Variants in TMEM100 observed in about 807,000 individuals in gnomAD.
TMEM100 encodes the protein transmembrane protein 100.
For synonymous variants in TMEM100, 61 were observed against 67.1 expected (o/e 0.91, Z 0.44); for missense variants, 137 against 168.2 (o/e 0.81, Z 1.02).
At position 55,721,066 on chromosome 17, in the gene TMEM100, G is replaced by A. The variant is rs879076398; in HGVS notation, c.5C>T (p.Thr2Ile). 3 of 1,607,942 alleles carry A rather than the reference G, an allele frequency of 1.9e-6. No homozygotes were observed. Among genetic ancestry groups the A allele is most frequent in the South Asian group, 2.2e-5 (2 of 89,982 alleles). M[T>I]EEPIKEILGA... ...CAGGATCTCCTTGATGGGCTCTTCA[G>A]TCATTTTTACAACAGTGCTTCTAAG... is the stretch of plus-strand genomic sequence containing the variant. Residue 2 changes from threonine to isoleucine, a missense_variant, in exon 2 of 2, where the codon ACT becomes ATT. Physicochemically the swap from Thr to Ile is moderately conservative, Grantham distance 89 (BLOSUM62 -1). Transcript: ENST00000424486.
chr17:55,721,148 CA>C lies in TMEM100; in HGVS notation c.-65-14del. 1 of 1,481,608 alleles carries C rather than the reference CA, an allele frequency of 6.7e-7. No individual in the cohort carries two copies. Among genetic ancestry groups the C allele is most frequent in the Non-Finnish European group, 9.1e-7 (1 of 1,101,604 alleles). The allele number at this position is 1,481,608 out of a possible 1,614,324, so 91.8% of individuals were successfully genotyped here. On this transcript the variant is annotated splice_polypyrimidine_tract_variant and intron_variant, in intron 1 of 1. Transcript: ENST00000424486. The stretch of plus-strand genomic sequence containing the variant: ...ACCAGGGTGAAAGCTGTGAAGATAA[CA>C]GGAGATGTCAGCTACATGTATCAGA...
chr17:55,730,716 G>A (rs1296861174), intron 1 of TMEM100, among the ~76,000 whole-genome samples: 2 of 152,172 alleles, frequency 1.3e-5, no homozygotes, highest in Non-Finnish European at 2.9e-5. Context: ...TGATATTCAC[G>A]ATGTGTGTGG....
Position 55,720,685 on chromosome 17 carries a change from T to C in TMEM100, c.386A>G (p.Gln129Arg), listed in dbSNP as rs548105113. 71 of 1,609,036 alleles carry C rather than the reference T, an allele frequency of 4.4e-5. 1 individual carries two copies. The South Asian group carries it at 4.4e-4, about 10-fold the overall frequency. ...TCAGTCTCAAGCAAACAAGCTTCTCTGATTTGCCACGAGAGCTGTTTGACT... is the reference window on the plus strand; with the variant it reads ...TCAGTCTCAAGCAAACAAGCTTCTCCGATTTGCCACGAGAGCTGTTTGACT... The part of the protein sequence containing the change: ...RESQTALVAN[Q>R]RSLFA Residue 129 changes from glutamine (Q) to arginine (R), a missense_variant, in exon 2 of 2, where the codon CAG becomes CGG. Coordinates refer to ENST00000424486, the MANE Select transcript of TMEM100 (RefSeq NM_018286.3).
chr17:55,721,829 G>GA (rs1304844060), intron 1 of TMEM100: 1 of 151,778 alleles, frequency 6.6e-6, no homozygotes, highest in Non-Finnish European at 1.5e-5. Flanking sequence ...CTATAAAAGA[G>GA]AAAAAATAAG....
At chr17:55,726,134 G>A (rs1909065747), upstream of TMEM100, among the ~76,000 whole-genome samples, 4 of 152,150 alleles carry the variant, frequency 2.6e-5, no homozygotes, top group Admixed American at 2.6e-4. Context: ...ATTGGAGGAT[G>A]TCAAGGCACC....
At chr17:55,724,359 T>TG (rs1338488299), upstream of TMEM100, among the ~76,000 whole-genome samples, 1 of 152,168 alleles carries the variant, frequency 6.6e-6, no homozygotes, top group Non-Finnish European at 1.5e-5. Flanking sequence ...TCCCTGAGGT[T>TG]GGGGGAGTCA....
At chr17:55,724,410 C>G (rs191255892), upstream of TMEM100, among the ~76,000 whole-genome samples, 2 of 152,320 alleles carry the variant, frequency 1.3e-5, no homozygotes, top group Admixed American at 6.5e-5. Flanking sequence ...GATCCTCACA[C>G]TTTAAAAATG....
exon 1 of TMEM100, chr17:55,731,804 T>C (rs2960089): frequency 0.23 from 35,721 of 152,174 alleles, 5,010 homozygotes; most frequent in African/African-American, 0.38. Flanking sequence ...ACACTAATTT[T>C]CACTCCTTCT....
intron 1 of TMEM100, among the ~76,000 whole-genome samples, chr17:55,729,519 C>T (rs73312377): frequency 0.058 from 8,784 of 152,060 alleles, 614 homozygotes; most frequent in East Asian, 0.27. Context: ...GGCATTACTG[C>T]CTAACTAGTA....
chr17:55,728,411 C>T (rs1185553899), intron 1 of TMEM100, among the ~76,000 whole-genome samples: 1 of 152,112 alleles, frequency 6.6e-6, no homozygotes, highest in Non-Finnish European at 1.5e-5. Context: ...ATGTATTTTG[C>T]CTTGTATACA....
At chr17:55,726,263 A>G (rs1040961221), upstream of TMEM100, among the ~76,000 whole-genome samples, 11 of 152,142 alleles carry the variant, frequency 7.2e-5, no homozygotes, top group African/African-American at 2.7e-4. Context: ...AATTGCAAAA[A>G]TCTCATTTTT....
At chr17:55,724,425 A>T (rs1354248696), upstream of TMEM100, among the ~76,000 whole-genome samples, 1 of 152,194 alleles carries the variant, frequency 6.6e-6, no homozygotes, top group East Asian at 1.9e-4. Flanking sequence ...AAAATGTCAG[A>T]CCTAAAGAGA....
chr17:55,728,276 G>A (rs971060959), intron 1 of TMEM100, among the ~76,000 whole-genome samples: 3 of 152,078 alleles, frequency 2.0e-5, no homozygotes, highest in African/African-American at 7.2e-5. Context: ...ATTATATTAT[G>A]TACATTTTCC....
upstream of TMEM100, among the ~76,000 whole-genome samples, chr17:55,727,401 A>C (rs1909099438): frequency 6.6e-6 from 1 of 152,192 alleles, no homozygotes; most frequent in Admixed American, 6.5e-5. Flanking sequence ...GAGTGAGCTA[A>C]GGCTCACATA....
intron 1 of TMEM100, among the ~76,000 whole-genome samples, chr17:55,729,213 GATGCCTC>G (rs1243708749): frequency 6.6e-6 from 1 of 152,202 alleles, no homozygotes; most frequent in Non-Finnish European, 1.5e-5. Context: ...CACCAGTTGG[GATGCCTC>G]TGTGATTGTC....
upstream of TMEM100, among the ~76,000 whole-genome samples, chr17:55,724,684 C>T (rs996521622): frequency 6.6e-6 from 1 of 152,228 alleles, no homozygotes; most frequent in Non-Finnish European, 1.5e-5. Flanking sequence ...CCAATAACTG[C>T]ACTGAAGCTC....
chr17:55,723,271 C>G (rs578042347), upstream of TMEM100, among the ~76,000 whole-genome samples: 7 of 151,108 alleles, frequency 4.6e-5, no homozygotes, highest in South Asian at 1.5e-3. Context: ...CAGCTGAATT[C>G]AGTCTCTAAG....
chr17:55,726,817 A>T (rs904351714), upstream of TMEM100, among the ~76,000 whole-genome samples: 4 of 152,158 alleles, frequency 2.6e-5, no homozygotes, highest in African/African-American at 9.7e-5. Flanking sequence ...TTCATTTTGG[A>T]TAGCAGGTCA....
chr17:55,726,211 G>A (rs1386406661), upstream of TMEM100, among the ~76,000 whole-genome samples: 1 of 152,104 alleles, frequency 6.6e-6, no homozygotes, highest in East Asian at 1.9e-4. Context: ...CATTGTAAAC[G>A]GCAGAGCTGG....
Sources: allele counts gnomAD v4.1 joint callset (sites outside exome capture counted in the v4.1 genomes callset), GRCh38; gene constraint gnomAD v4.1.1; transcripts MANE v1.5; gene names NCBI Gene and HGNC (gene_info 2026-07-23, HGNC 2026-07-21).